Variants in HHIPL1 observed in about 807,000 individuals in gnomAD.
HHIPL1 encodes HHIP like 1.
A neutral mutation model predicts 61.8 loss-of-function variants in HHIPL1; 43 were observed. That is an observed-to-expected ratio of 0.70 (90% CI 0.55 to 0.90). The LOEUF is 0.90. Ranked by LOEUF, HHIPL1 falls within the 40% of genes least tolerant of loss-of-function variation. The pLI is 0.00. For missense variants in HHIPL1, 1,056 were observed against 1,157.7 expected, an observed-to-expected ratio of 0.91 and a Z score of 1.28; for synonymous variants, 482 against 515.8, an observed-to-expected ratio of 0.93 and a Z score of 0.89.
intron 1 of HHIPL1, among the ~76,000 whole-genome samples, chr14:99,651,966 G>A (rs570188783): frequency 2.6e-5 from 4 of 152,222 alleles, no homozygotes; most frequent in East Asian, 1.9e-4. Context: ...CCTGGCATAC[G>A]GCAGGTGCTC....
chr14:99,657,848 A>G (rs1230826276), intron 3 of HHIPL1, among the ~76,000 whole-genome samples: 1 of 151,796 alleles, frequency 6.6e-6, no homozygotes, highest in African/African-American at 2.4e-5. Context: ...CACATACCAC[A>G]TACACACAAT....
chr14:99,673,097 C>T (rs12050196), intron 8 of HHIPL1, among the ~76,000 whole-genome samples: 77,298 of 151,872 alleles, frequency 0.51, 20,166 homozygotes, highest in East Asian at 0.63. Context: ...CTCCGCGAGC[C>T]AAGGAAAATA....
chr14:99,663,694 C>T (rs1189606275), intron 6 of HHIPL1, among the ~76,000 whole-genome samples: 1 of 152,150 alleles, frequency 6.6e-6, no homozygotes, highest in Non-Finnish European at 1.5e-5. Context: ...CATCTGACAC[C>T]TCCTCATGCG....
intron 3 of HHIPL1, among the ~76,000 whole-genome samples, chr14:99,658,068 C>T (rs2056081688): frequency 6.6e-6 from 1 of 152,108 alleles, no homozygotes. Context: ...CCTTCCTCAG[C>T]CCAGGAAGTA....
intron 5 of HHIPL1, 109 bp from the exon 6 acceptor site, chr14:99,662,767 A>G: frequency 9.9e-7 from 1 of 1,010,176 alleles, no homozygotes; most frequent in Non-Finnish European, 1.5e-6. Context: ...GGAGGGAAGA[A>G]GGGAGGGAGG....
intron 3 of HHIPL1, among the ~76,000 whole-genome samples, chr14:99,658,153 G>A (rs1024596558): frequency 1.3e-5 from 2 of 152,232 alleles, no homozygotes; most frequent in Admixed American, 6.5e-5. Context: ...ACGTGTGACA[G>A]TGTAAGCATC....
At chr14:99,639,996 T>C in the HHIPL1 span, among the ~76,000 whole-genome samples, 4 of 152,180 alleles carry the variant, frequency 2.6e-5, no homozygotes, top group African/African-American at 9.7e-5. Context: ...ACAATCTATG[T>C]CTTTTAATTG....
At chr14:99,627,798 G>A in the HHIPL1 span, among the ~76,000 whole-genome samples, 2 of 152,260 alleles carry the variant, frequency 1.3e-5, no homozygotes, top group African/African-American at 4.8e-5. This position sits in a 1 kb window ranked among gnomAD's most constrained non-coding sequence, Gnocchi z 4.4. Flanking sequence ...AGCCCAGACA[G>A]AGGCAGCAGG....
the HHIPL1 span, among the ~76,000 whole-genome samples, chr14:99,614,220 T>C: frequency 1.3e-5 from 2 of 152,114 alleles, no homozygotes; most frequent in East Asian, 3.9e-4. Flanking sequence ...CGGGAGGGGA[T>C]GCTCTCCTCG....
chr14:99,668,154 G>A lies in HHIPL1; in HGVS notation c.1649-68G>A, dbSNP rs1019559088. The A allele has an allele frequency of 3.4e-5, 32 of 939,600 alleles. No individual in the cohort carries two copies. Among genetic ancestry groups the A allele is most frequent in the Non-Finnish European group, 5.1e-5 (29 of 566,366 alleles). 58.2% of individuals were successfully genotyped at this position (939,600 alleles called of 1,614,324 possible). A position where few individuals can be genotyped will look rare whatever the true frequency, so the allele number is the denominator to read the frequency against. On this transcript the variant is annotated intron_variant, in intron 6 of 8. Transcript: ENST00000330710. The surrounding 1 kb of genome is among the most constrained non-coding windows in gnomAD (Gnocchi z 4.7). ...TTCCAAGCCTGCAGGGAGCCGGGTGGTGAGGCGGGGCTGGCTGGGACGGTA... is the reference window on the plus strand; with the variant it reads ...TTCCAAGCCTGCAGGGAGCCGGGTGATGAGGCGGGGCTGGCTGGGACGGTA...
chr14:99,660,286 T>C lies in HHIPL1; in HGVS notation c.1382T>C (p.Leu461Ser), dbSNP rs909706477. 2.6e-5 allele frequency: 42 copies of C among 1,613,998 alleles called. No homozygotes were observed. Among genetic ancestry groups the C allele is most frequent in the Non-Finnish European group, 3.5e-5 (41 of 1,179,984 alleles). Residue 461 changes from leucine to serine, a missense_variant, in exon 5 of 9, where the codon TTG becomes TCG. Leu to Ser is a moderately radical substitution (Grantham distance 145). Transcript: ENST00000330710. The surrounding 1 kb of genome is among the most constrained non-coding windows in gnomAD (Gnocchi z 4.9). ...TCTCCCTCCCACCCCGCAGATGACT[T>C]GCTGCCGATTTTCGCCTACCCGCAC... ...SLCANTSLND[L>S]LPIFAYPHTV...
At chr14:99,663,101 G>C in intron 6 of HHIPL1, 80 bp downstream of exon 6, 7 of 1,372,068 alleles carry the variant, frequency 5.1e-6, no homozygotes, top group Non-Finnish European at 6.9e-6. Context: ...TCTGGTCTCT[G>C]ATGTAGGGGA....
At chr14:99,616,394 T>C in the HHIPL1 span, among the ~76,000 whole-genome samples, 1 of 152,216 alleles carries the variant, frequency 6.6e-6, no homozygotes, top group African/African-American at 2.4e-5. Flanking sequence ...ACAATACTAA[T>C]TTAATCAAAA....
chr14:99,646,792 A>G (rs11267452), intron 1 of HHIPL1, among the ~76,000 whole-genome samples: 4,853 of 130,552 alleles, frequency 0.037, 125 homozygotes, highest in African/African-American at 0.071. Flanking sequence ...AATATAATAT[A>G]ATATGATATG....
the HHIPL1 span, among the ~76,000 whole-genome samples, chr14:99,615,266 G>A: frequency 6.6e-6 from 1 of 152,156 alleles, no homozygotes; most frequent in Non-Finnish European, 1.5e-5. Context: ...AAGACATGAA[G>A]CCCAGGCACA....
At chr14:99,623,225 C>T in the HHIPL1 span, among the ~76,000 whole-genome samples, 2 of 152,298 alleles carry the variant, frequency 1.3e-5, no homozygotes, top group South Asian at 2.1e-4. Context: ...AGGGGTGTAA[C>T]GGTGCCTGGG....
chr14:99,642,912 G>A (rs911702700), upstream of HHIPL1, among the ~76,000 whole-genome samples: 1 of 152,072 alleles, frequency 6.6e-6, no homozygotes, highest in African/African-American at 2.4e-5. Context: ...GAGATGTTTG[G>A]TCTTGATGTT....
At chr14:99,663,076 C>A in intron 6 of HHIPL1, 55 bp downstream of exon 6, 1 of 1,516,724 alleles carries the variant, frequency 6.6e-7, no homozygotes, top group Non-Finnish European at 8.9e-7. Context: ...GACTGGTCCT[C>A]CACCCTGTGG....
the HHIPL1 span, among the ~76,000 whole-genome samples, chr14:99,618,564 C>T: frequency 6.6e-6 from 1 of 152,244 alleles, no homozygotes; most frequent in Non-Finnish European, 1.5e-5. Context: ...CCTCTCCAGC[C>T]CTGAACTGTG....
Sources: allele counts gnomAD v4.1 joint callset (sites outside exome capture counted in the v4.1 genomes callset), GRCh38; gene constraint gnomAD v4.1.1; non-coding constraint Gnocchi (gnomAD v3.1); transcripts MANE v1.5; gene names NCBI Gene and HGNC (gene_info 2026-07-23, HGNC 2026-07-21).